MID1: variants seen among roughly 807,000 people sequenced by gnomAD.
MID1 encodes E3 ubiquitin-protein ligase Midline-1.
MID1 carries 7 observed loss-of-function variants against 40.4 expected under a neutral mutation model. The ratio of observed to expected loss-of-function variants is 0.17; its 90% confidence interval spans 0.10 to 0.33. MID1 has a LOEUF of 0.33. Ranked by LOEUF, MID1 falls within the 10% of genes least tolerant of loss-of-function variation. The probability of loss-of-function intolerance (pLI) is 1.00; values close to 1 mark genes in which losing one functional copy is unlikely to be tolerated. For synonymous variants in MID1, 229 were observed against 221.2 expected (o/e 1.04, Z -0.31); for missense variants, 367 against 558.5 (o/e 0.66, Z 3.46).
intron 1 of MID1, among the ~76,000 whole-genome samples, chrX:10,703,319 C>T (rs2043204255): frequency 8.9e-6 from 1 of 112,058 alleles, no homozygotes; most frequent in African/African-American, 3.2e-5. Context: ...ATTTAGCTAC[C>T]AACTTATACA....
intron 3 of MID1, among the ~76,000 whole-genome samples, chrX:10,511,126 T>A (rs1433424053): frequency 9.4e-6 from 1 of 106,203 alleles, no homozygotes; most frequent in South Asian, 4.2e-4. Context: ...GTGCCTGTGA[T>A]CCCAGCCACT....
At chrX:10,802,973 T>A (rs145830680) in intron 1 of MID1, among the ~76,000 whole-genome samples, 2 of 111,266 alleles carry the variant, frequency 1.8e-5, no homozygotes, top group African/African-American at 6.5e-5. Flanking sequence ...GAGCTAAACA[T>A]TGGGTTCACA....
chrX:10,609,546 CAG>C (rs769528151), intron 1 of MID1, among the ~76,000 whole-genome samples: 1 of 110,529 alleles, frequency 9.0e-6, no homozygotes, highest in Non-Finnish European at 1.9e-5. Flanking sequence ...CCCAAGGTCA[CAG>C]AGTTAAGATG....
intron 1 of MID1, among the ~76,000 whole-genome samples, chrX:10,569,534 C>T (rs1934665672): frequency 8.9e-6 from 1 of 112,053 alleles, no homozygotes; most frequent in Non-Finnish European, 1.9e-5. Flanking sequence ...GTAGAATTAT[C>T]TTTAAATCAA....
intron 1 of MID1, among the ~76,000 whole-genome samples, chrX:10,700,132 T>A (rs1235979551): frequency 9.0e-6 from 1 of 111,625 alleles, no homozygotes; most frequent in Non-Finnish European, 1.9e-5. Flanking sequence ...AGCTCAATAG[T>A]TTTAATAAAG....
chrX:10,774,854 A>AGGCCG (rs1162327282), intron 1 of MID1, among the ~76,000 whole-genome samples: 1 of 111,649 alleles, frequency 9.0e-6, no homozygotes, highest in Admixed American at 9.6e-5. Context: ...AGAGTTTTCA[A>AGGCCG]GATTGGCGTT....
At chrX:10,531,209 T>C (rs1932960290) in intron 2 of MID1, among the ~76,000 whole-genome samples, 1 of 111,841 alleles carries the variant, frequency 8.9e-6, no homozygotes, top group Non-Finnish European at 1.9e-5. Context: ...CAATAGTTAA[T>C]ATGAAAACAC....
chrX:10,500,212 T>C (rs1931471508), intron 3 of MID1, among the ~76,000 whole-genome samples: 1 of 112,153 alleles, frequency 8.9e-6, no homozygotes, highest in African/African-American at 3.2e-5. Context: ...ATTTTGACTA[T>C]TTGATTTACA....
chrX:10,799,866 A>C (rs2043993928), intron 1 of MID1, among the ~76,000 whole-genome samples: 1 of 105,140 alleles, frequency 9.5e-6, no homozygotes, highest in East Asian at 2.8e-4. Flanking sequence ...AAACTTACCC[A>C]AAACTAGACT....
chrX:10,467,846 A>G (rs1929468984), intron 7 of MID1, among the ~76,000 whole-genome samples: 1 of 111,696 alleles, frequency 9.0e-6, no homozygotes, highest in Admixed American at 9.5e-5. Context: ...CTATTTCTCT[A>G]TCTTCATTTC....
intron 1 of MID1, among the ~76,000 whole-genome samples, chrX:10,644,550 T>A (rs745477864): frequency 1.8e-5 from 2 of 110,908 alleles, no homozygotes; most frequent in Non-Finnish European, 3.8e-5. Context: ...CAGGTATTAG[T>A]TTTTCATATG....
intron 1 of MID1, among the ~76,000 whole-genome samples, chrX:10,781,796 T>C (rs1212366057): frequency 1.8e-5 from 2 of 112,493 alleles, no homozygotes; most frequent in African/African-American, 6.5e-5. Context: ...ATTTTCAAAA[T>C]ATCAAAAGAT....
chrX:10,784,326 T>C lies in MID1; in HGVS notation c.-187+49228A>G, dbSNP rs753177440. Among the ~76,000 whole-genome samples the C allele has an allele frequency of 4.5e-5, 5 of 111,973 alleles. No individual in the cohort carries two copies. The South Asian group carries it at 1.9e-3, about 42-fold the overall frequency. On this transcript the variant is annotated intron_variant, in intron 1 of 10. Transcript: ENST00000380785. ...TTTCCAACAATGGGCAATGGCAGCA[T>C]TCATATGAGATTTGAAAACCTGAAT...
At chrX:10,501,033 G>A (rs1016887684) in intron 3 of MID1, among the ~76,000 whole-genome samples, 2 of 111,810 alleles carry the variant, frequency 1.8e-5, no homozygotes, top group East Asian at 2.8e-4. Flanking sequence ...CTTCCTGGCC[G>A]GGCGCGGTGG....
chrX:10,619,000 C>T (rs1935886887), intron 1 of MID1, among the ~76,000 whole-genome samples: 1 of 112,030 alleles, frequency 8.9e-6, no homozygotes, highest in Non-Finnish European at 1.9e-5. Flanking sequence ...AACTTAAAGA[C>T]GTCCTCCCCA....
chrX:10,732,147 G>T (rs145751403), intron 1 of MID1, among the ~76,000 whole-genome samples: 24 of 110,667 alleles, frequency 2.2e-4, no homozygotes, highest in African/African-American at 6.9e-4. Flanking sequence ...CAGGAACAAG[G>T]CAAGAATGTC....
upstream of MID1, among the ~76,000 whole-genome samples, chrX:10,621,183 G>A (rs1286571160): frequency 9.0e-6 from 1 of 111,111 alleles, no homozygotes; most frequent in Non-Finnish European, 1.9e-5. Flanking sequence ...TAACACTATT[G>A]TCATAGAACA....
At chrX:10,583,797 C>G (rs192190334) in intron 1 of MID1, among the ~76,000 whole-genome samples, 297 of 111,255 alleles carry the variant, frequency 2.7e-3, no homozygotes, top group African/African-American at 9.2e-3. Context: ...CTTTGGGAGG[C>G]TGAGGCGGGT....
rs139172860 is a variant in MID1 at position 10,651,526 on chromosome X, T to C, written c.-186-31107A>G. Among the ~76,000 whole-genome samples, 205 of 112,671 alleles carry C rather than the reference T, an allele frequency of 1.8e-3. 4 individuals are homozygous for C. The East Asian group carries it at 0.049, about 27-fold the overall frequency. On this transcript the variant is annotated intron_variant, in intron 1 of 10. Transcript: ENST00000380785. ...TTTCATATGACAGCCCCACAGATATTTGAAGACAGTCATTATGCCTCTACG... is the reference window on the plus strand; with the variant it reads ...TTTCATATGACAGCCCCACAGATATCTGAAGACAGTCATTATGCCTCTACG...
Sources: gnomAD v4.1 joint callset for allele counts (sites outside exome capture counted in the v4.1 genomes callset) on GRCh38, gnomAD v4.1.1 for gene constraint, MANE v1.5 for transcripts, NCBI Gene and HGNC (gene_info 2026-07-23, HGNC 2026-07-21) for gene names.